Variants in IMMP2L observed in about 807,000 individuals in gnomAD.
The protein encoded by IMMP2L is mitochondrial inner membrane protease subunit 2.
Under a neutral mutation model 19.3 loss-of-function variants are expected in IMMP2L, and 18 were observed. That is an observed-to-expected ratio of 0.93 (90% CI 0.64 to 1.38). The LOEUF is 1.38. IMMP2L is among the 40% of genes most tolerant of loss of function. IMMP2L has a pLI of 0.00. For missense variants in IMMP2L, 233 were observed against 218.2 expected, an observed-to-expected ratio of 1.07 and a Z score of -0.43; for synonymous variants, 76 against 73.0, an observed-to-expected ratio of 1.04 and a Z score of -0.21.
intron 3 of IMMP2L, among the ~76,000 whole-genome samples, chr7:111,224,295 C>T (rs1467745707): frequency 6.6e-6 from 1 of 152,074 alleles, no homozygotes; most frequent in African/African-American, 2.4e-5. Context: ...AATGAATATA[C>T]TAAAATTCTT....
chr7:110,686,560 C>G lies in IMMP2L; in HGVS notation c.409-22839G>C, dbSNP rs114487658. ...ATCACACCAGATCATATTCAGTTGT[C>G]TCAACTGAGTATCATGCCCTGGTGT... On this transcript the variant is annotated intron_variant, in intron 5 of 5. Coordinates refer to ENST00000405709, the MANE Select transcript of IMMP2L (RefSeq NM_032549.4). Among the ~76,000 whole-genome samples, 793 of 152,132 alleles carry G rather than the reference C, an allele frequency of 5.2e-3. 8 individuals are homozygous for G. Among genetic ancestry groups the G allele is most frequent in the African/African-American group, 0.018 (759 of 41,508 alleles).
At chr7:111,362,577 A>C (rs1396216292) in intron 3 of IMMP2L, among the ~76,000 whole-genome samples, 1 of 152,148 alleles carries the variant, frequency 6.6e-6, no homozygotes, top group Non-Finnish European at 1.5e-5. Context: ...AATCCTTCAA[A>C]ATCACATAGC....
intron 5 of IMMP2L, among the ~76,000 whole-genome samples, chr7:110,674,554 A>G (rs1268072745): frequency 1.3e-5 from 2 of 152,246 alleles, no homozygotes; most frequent in African/African-American, 4.8e-5. Context: ...CAGCGTAAGA[A>G]GAGAGAGAAA....
In IMMP2L at chr7:111,425,427, C is replaced by T. The variant is rs75078866; in HGVS notation, c.239+61811G>A. Reference sequence around the variant, plus strand: ...AATTTTACCTCAAAAGAAAAAAAAACTGTAAACTATTCTTGAACTCTAGTT... The same window carrying T: ...AATTTTACCTCAAAAGAAAAAAAAATTGTAAACTATTCTTGAACTCTAGTT... On this transcript the variant is annotated intron_variant, in intron 3 of 5. Transcript: ENST00000405709. 4.2e-3 allele frequency among the ~76,000 whole-genome samples: 633 copies of T among 151,032 alleles called. 18 individuals are homozygous for T. Among genetic ancestry groups the T allele is most frequent in the South Asian group, 0.037 (179 of 4,804 alleles).
chr7:110,983,602 A>T, intron 3 of IMMP2L, among the ~76,000 whole-genome samples: 1 of 152,030 alleles, frequency 6.6e-6, no homozygotes, highest in East Asian at 1.9e-4. Flanking sequence ...ATAATTAAAT[A>T]TTTATTGGAT....
intron 3 of IMMP2L, among the ~76,000 whole-genome samples, chr7:111,076,941 G>A (rs113234908): frequency 1.3e-5 from 2 of 151,962 alleles, no homozygotes; most frequent in African/African-American, 4.8e-5. Context: ...TCTTCTTTCT[G>A]ACTCTAGCTA....
rs544248018 is a variant in IMMP2L, at chr7:110,666,086, G to A, written c.409-2365C>T. ...ATCTGTGACTACTTTTTATTTATCC[G>A]TTTGATGCTCAAATGTCTTAAGTTT... is the stretch of plus-strand genomic sequence containing the variant. On this transcript the variant is annotated intron_variant, in intron 5 of 5. Coordinates refer to ENST00000405709, the MANE Select transcript of IMMP2L (RefSeq NM_032549.4). 8.6e-4 allele frequency among the ~76,000 whole-genome samples: 131 copies of A among 151,814 alleles called. 1 individual carries two copies. The highest frequency in any genetic ancestry group is 2.9e-3 in the African/African-American group (120 of 41,384).
At chr7:110,690,131 C>A (rs1223268344) in intron 5 of IMMP2L, among the ~76,000 whole-genome samples, 3 of 152,176 alleles carry the variant, frequency 2.0e-5, no homozygotes, top group Non-Finnish European at 4.4e-5. Flanking sequence ...CACTCACCCC[C>A]CACCTCAGAC....
chr7:111,179,166 A>G (rs1261301843), intron 3 of IMMP2L, among the ~76,000 whole-genome samples: 1 of 152,044 alleles, frequency 6.6e-6, no homozygotes, highest in Non-Finnish European at 1.5e-5. Context: ...CTCTTAGATG[A>G]CCATGTGCAT....
chr7:111,185,632 T>C (rs1448814012), intron 3 of IMMP2L, among the ~76,000 whole-genome samples: 1 of 152,138 alleles, frequency 6.6e-6, no homozygotes, highest in Admixed American at 6.5e-5. Context: ...TCTTGTAGAT[T>C]AGAACAGTAA....
intron 5 of IMMP2L, among the ~76,000 whole-genome samples, chr7:110,815,513 A>G (rs1026194212): frequency 2.0e-5 from 3 of 151,950 alleles, no homozygotes; most frequent in African/African-American, 7.3e-5. Context: ...CTCTTTTTCT[A>G]TTGATTGGAA....
At chr7:111,149,074 G>A (rs1399797686) in intron 3 of IMMP2L, among the ~76,000 whole-genome samples, 1 of 152,100 alleles carries the variant, frequency 6.6e-6, no homozygotes, top group Non-Finnish European at 1.5e-5. Flanking sequence ...AAATTTTAAA[G>A]AGTACGTTAA....
chr7:110,882,359 CTCTCTCTCT>C (rs1563051022), intron 5 of IMMP2L, among the ~76,000 whole-genome samples: 207 of 135,018 alleles, frequency 1.5e-3, no homozygotes, highest in African/African-American at 6.3e-3. Flanking sequence ...CTCTCTCCCT[CTCTCTCTCT>C]CTCTCTCCCT....
At chr7:110,788,355 T>C (rs969767381) in intron 5 of IMMP2L, among the ~76,000 whole-genome samples, 3 of 151,914 alleles carry the variant, frequency 2.0e-5, no homozygotes, top group Non-Finnish European at 4.4e-5. Flanking sequence ...TAGCACGTGA[T>C]GCAGTGGATT....
rs980195765 is a variant in IMMP2L at position 111,493,106 on chromosome 7, T to C, written c.136-5765A>G. Among the ~76,000 whole-genome samples the C allele has an allele frequency of 2.6e-5, 4 of 152,200 alleles. 1 individual carries two copies. The South Asian group carries it at 8.3e-4, about 32-fold the overall frequency. ...GATAGTTTCTAGAATATACATTATCTAAATAATGTATACATCTCTTTCAAT... is the reference window on the plus strand; with the variant it reads ...GATAGTTTCTAGAATATACATTATCCAAATAATGTATACATCTCTTTCAAT... On this transcript the variant is annotated intron_variant, in intron 2 of 5. Coordinates refer to ENST00000405709, the MANE Select transcript of IMMP2L (RefSeq NM_032549.4).
intron 3 of IMMP2L, among the ~76,000 whole-genome samples, chr7:111,447,464 A>G (rs1348445780): frequency 6.7e-6 from 1 of 150,138 alleles, no homozygotes; most frequent in Non-Finnish European, 1.5e-5. Context: ...ACTAAGCTTC[A>G]TAAGTGAAGG....
intron 3 of IMMP2L, among the ~76,000 whole-genome samples, chr7:111,295,308 C>G (rs1821508760): frequency 6.6e-6 from 1 of 151,808 alleles, no homozygotes; most frequent in South Asian, 2.1e-4. Flanking sequence ...TCATGATAAA[C>G]AAGGACCACA....
At chr7:111,023,292 C>A (rs763504597) in intron 3 of IMMP2L, among the ~76,000 whole-genome samples, 5 of 152,170 alleles carry the variant, frequency 3.3e-5, no homozygotes, top group Non-Finnish European at 2.9e-5. Flanking sequence ...AAAATGCCAT[C>A]ATTTCCTTGT....
In IMMP2L at chr7:111,521,312, C is replaced by T. The variant is rs1287435849; in HGVS notation, c.135+1G>A. On this transcript the variant is annotated splice_donor_variant, in intron 2 of 5. Transcript: ENST00000405709. LOFTEE classifies it high-confidence loss of function. Reference sequence around the variant, plus strand: ...AAAGAACGAAGTTATATCATTTTCACCTGCATCGATGCTCCTTCTACTCTT... The same window carrying T: ...AAAGAACGAAGTTATATCATTTTCATCTGCATCGATGCTCCTTCTACTCTT... The T allele has an allele frequency of 1.2e-6, 2 of 1,610,776 alleles. No homozygotes were observed. Among genetic ancestry groups the T allele is most frequent in the Non-Finnish European group, 1.7e-6 (2 of 1,178,450 alleles).
Sources: gnomAD v4.1 joint callset for allele counts (sites outside exome capture counted in the v4.1 genomes callset) on GRCh38, gnomAD v4.1.1 for gene constraint, MANE v1.5 for transcripts, NCBI Gene and HGNC (gene_info 2026-07-23, HGNC 2026-07-21) for gene names.